The following DGKB variants were observed in gnomAD, a reference collection of about 807,000 sequenced individuals.
The protein encoded by DGKB is 90 kDa diacylglycerol kinase.
In DGKB, 67 loss-of-function variants were observed where a neutral mutation model predicts 114.3. The observed-to-expected ratio is 0.59, with a 90% CI of 0.48 to 0.72. The LOEUF (loss-of-function observed/expected upper bound fraction) is 0.72, where lower values mean the gene tolerates loss of function less well. DGKB is among the 30% of genes least tolerant of loss of function. DGKB has a pLI of 0.00. For missense variants in DGKB, 907 were observed against 975.2 expected, an observed-to-expected ratio of 0.93 and a Z score of 0.93; for synonymous variants, 398 against 323.1, an observed-to-expected ratio of 1.23 and a Z score of -2.49.
intron 1 of DGKB, among the ~76,000 whole-genome samples, chr7:14,873,976 C>A (rs1852874150): frequency 6.6e-6 from 1 of 151,894 alleles, no homozygotes; most frequent in Non-Finnish European, 1.5e-5. Context: ...GTATTACTAA[C>A]AATGAAACAA....
intron 6 of DGKB, among the ~76,000 whole-genome samples, chr7:14,717,326 C>T (rs1211546514): frequency 1.3e-5 from 2 of 152,028 alleles, no homozygotes; most frequent in Non-Finnish European, 2.9e-5. Context: ...TTATAATCAT[C>T]CCAAATGTGC....
chr7:14,797,929 C>A (rs576367162), intron 2 of DGKB, among the ~76,000 whole-genome samples: 1 of 152,194 alleles, frequency 6.6e-6, no homozygotes, highest in South Asian at 2.1e-4. Flanking sequence ...TACATGGACA[C>A]CGGAGAGTGA....
chr7:14,679,307 A>G (rs1223531909), intron 12 of DGKB, among the ~76,000 whole-genome samples: 1 of 152,056 alleles, frequency 6.6e-6, no homozygotes. Context: ...ACATATCTAC[A>G]GAGAATTTTT....
At chr7:14,231,129 T>TTCTTTCTTTC (rs1554297209) in intron 23 of DGKB, among the ~76,000 whole-genome samples, 52 of 140,430 alleles carry the variant, frequency 3.7e-4, no homozygotes, top group African/African-American at 1.3e-3. Flanking sequence ...CTTTCTTTCT[T>TTCTTTCTTTC]TCTTTCTTTC....
chr7:14,759,954 C>T (rs1391365060), intron 2 of DGKB, among the ~76,000 whole-genome samples: 1 of 152,116 alleles, frequency 6.6e-6, no homozygotes, highest in East Asian at 1.9e-4. Flanking sequence ...TACAGCCATC[C>T]TAGTGGATGT....
intron 12 of DGKB, among the ~76,000 whole-genome samples, chr7:14,674,922 C>T (rs1332934387): frequency 1.3e-5 from 2 of 151,994 alleles, no homozygotes; most frequent in Non-Finnish European, 2.9e-5. Context: ...GTTTTAGGCA[C>T]CTATTATATG....
At chr7:14,767,219 A>T (rs563806775) in intron 2 of DGKB, among the ~76,000 whole-genome samples, 58 of 151,644 alleles carry the variant, frequency 3.8e-4, no homozygotes, top group African/African-American at 1.1e-3. Context: ...TAAAAAAAAA[A>T]TTTTTAAACA....
At chr7:14,757,768 C>T (rs748088340) in intron 2 of DGKB, 37 bp from the exon 3 acceptor site, 2 of 1,212,380 alleles carry the variant, frequency 1.6e-6, no homozygotes, top group Admixed American at 3.5e-5. Flanking sequence ...TGTTTATATG[C>T]ACATACTGTG....
chr7:14,673,775 A>T (rs1819396838), intron 12 of DGKB, among the ~76,000 whole-genome samples: 1 of 152,104 alleles, frequency 6.6e-6, no homozygotes, highest in South Asian at 2.1e-4. Context: ...TTTTTTAAAG[A>T]ATTACACAGA....
intron 20 of DGKB, among the ~76,000 whole-genome samples, chr7:14,534,172 G>A (rs979131381): frequency 7.2e-5 from 11 of 151,928 alleles, no homozygotes; most frequent in Admixed American, 7.2e-4. Flanking sequence ...ACTACACGTG[G>A]AGGAGAATAA....
intron 2 of DGKB, among the ~76,000 whole-genome samples, chr7:14,761,115 T>C (rs957624256): frequency 3.9e-5 from 6 of 152,194 alleles, no homozygotes. Context: ...ATTTGAAGTT[T>C]AACTATGACC....
rs76145433 is a variant in DGKB at position 14,268,719 on chromosome 7, T to C, written c.2122+69796A>G. ...ATCTTATGTTGGCTTAGCAATTTAA[T>C]CTATTTAACTCCTACAAAGCATAAC... On this transcript the variant is annotated intron_variant, in intron 23 of 25. Transcript: ENST00000402815. Among the ~76,000 whole-genome samples, 211 of 152,316 alleles carry C rather than the reference T, an allele frequency of 1.4e-3. 8 individuals carry two copies. The East Asian group carries it at 0.032, about 23-fold the overall frequency.
intron 7 of DGKB, among the ~76,000 whole-genome samples, chr7:14,699,987 T>G (rs774661608): frequency 6.6e-6 from 1 of 151,954 alleles, no homozygotes; most frequent in Admixed American, 6.6e-5. Context: ...TCATTTTAAT[T>G]TAATTAAAAA....
chr7:14,911,686 A>C (rs1350430269), intron 1 of DGKB, among the ~76,000 whole-genome samples: 1 of 152,162 alleles, frequency 6.6e-6, no homozygotes, highest in African/African-American at 2.4e-5. Context: ...GTATGTGTCC[A>C]CCTGCGGTTT....
intron 23 of DGKB, among the ~76,000 whole-genome samples, chr7:14,261,548 C>T (rs1345261489): frequency 6.6e-6 from 1 of 152,102 alleles, no homozygotes; most frequent in African/African-American, 2.4e-5. Flanking sequence ...CAGTGATTGA[C>T]TTGATATCCT....
At chr7:14,421,848 T>A (rs1826763038) in intron 21 of DGKB, among the ~76,000 whole-genome samples, 1 of 152,054 alleles carries the variant, frequency 6.6e-6, no homozygotes. Flanking sequence ...GCTGTTACTA[T>A]TTTCAAACAA....
At chr7:14,261,540 G>GTGAT (rs1219269123) in intron 23 of DGKB, among the ~76,000 whole-genome samples, 1 of 152,020 alleles carries the variant, frequency 6.6e-6, no homozygotes, top group Non-Finnish European at 1.5e-5. Context: ...TGCCTTTCCA[G>GTGAT]TGATTGACTT....
At chr7:14,152,363 C>G (rs1219005563) in intron 25 of DGKB, among the ~76,000 whole-genome samples, 1 of 151,974 alleles carries the variant, frequency 6.6e-6, no homozygotes, top group Non-Finnish European at 1.5e-5. Flanking sequence ...CTAAGAGACT[C>G]TGACATTATT....
At position 14,912,542 on chromosome 7, in the gene DGKB, C is replaced by T. The variant is rs551246503; in HGVS notation, c.-188+62154G>A. ...AGCACCTGGAGGACCACGCAGGAGG[C>T]TGTTGAATAGCTTACATGAGAAGTC... On this transcript the variant is annotated intron_variant, in intron 1 of 4. Coordinates refer to the DGKB transcript ENST00000437998. Among the ~76,000 whole-genome samples the T allele has an allele frequency of 2.6e-3, 396 of 152,168 alleles. 2 individuals carry two copies. Among genetic ancestry groups the T allele is most frequent in the African/African-American group, 8.9e-3 (371 of 41,526 alleles).
Sources: gnomAD v4.1 joint callset for allele counts (sites outside exome capture counted in the v4.1 genomes callset) on GRCh38, gnomAD v4.1.1 for gene constraint, MANE v1.5 for transcripts, NCBI Gene and HGNC (gene_info 2026-07-23, HGNC 2026-07-21) for gene names.